The following AGMO variants were observed in gnomAD, a reference collection of about 807,000 sequenced individuals.
The protein encoded by AGMO is alkylglycerol monooxygenase, also known as glyceryl-ether monooxygenase.
AGMO carries 75 observed loss-of-function variants against 60.2 expected under a neutral mutation model. The observed-to-expected ratio is 1.25, with a 90% CI of 1.03 to 1.51. The LOEUF (loss-of-function observed/expected upper bound fraction) is 1.51, where lower values mean the gene tolerates loss of function less well. Among genes scored for constraint, AGMO ranks in the 40% most tolerant of loss-of-function variants. The pLI is 0.00. For synonymous variants in AGMO, 261 were observed against 177.1 expected (o/e 1.47, Z -3.76); for missense variants, 763 against 525.5 (o/e 1.45, Z -4.42).
At chr7:15,334,754 C>G (rs1781600615) in intron 12 of AGMO, among the ~76,000 whole-genome samples, 1 of 152,146 alleles carries the variant, frequency 6.6e-6, no homozygotes, top group Admixed American at 6.5e-5. Context: ...ACTTACAACC[C>G]TCCAACAACT....
At position 15,365,605 on chromosome 7, in the gene AGMO, A is replaced by T. The variant is rs1030213167; in HGVS notation, c.1172T>A (p.Ile391Asn). ...CATCAAGCAACGGAGAGTTTCCATAATAGCTGCCTTGGGTCTGAAATAAAA... is the reference window on the plus strand; with the variant it reads ...CATCAAGCAACGGAGAGTTTCCATATTAGCTGCCTTGGGTCTGAAATAAAA... ...FLLDQRPKAA[I>N]METLRCLMFL... Residue 391 changes from isoleucine (I) to asparagine (N), a missense_variant, in exon 12 of 13, where the codon ATT becomes AAT. Ile to Asn is a moderately radical substitution (Grantham distance 149). Transcript: ENST00000342526. 7 of 1,612,232 alleles carry T rather than the reference A, an allele frequency of 4.3e-6. No homozygotes were observed. In the African/African-American group the frequency reaches 9.4e-5, roughly 22 times the overall value.
chr7:15,424,484 A>C (rs573619566), intron 4 of AGMO, among the ~76,000 whole-genome samples: 1 of 152,330 alleles, frequency 6.6e-6, no homozygotes, highest in East Asian at 1.9e-4. Context: ...TTAGAACTAT[A>C]AATGACTATC....
At chr7:15,145,042 A>G in the AGMO span, among the ~76,000 whole-genome samples, 1 of 152,032 alleles carries the variant, frequency 6.6e-6, no homozygotes, top group Non-Finnish European at 1.5e-5. Context: ...GTTAGCCAGG[A>G]TGGGCTCGAT....
chr7:15,243,923 G>T (rs1327635933), intron 12 of AGMO, among the ~76,000 whole-genome samples: 1 of 151,990 alleles, frequency 6.6e-6, no homozygotes, highest in East Asian at 1.9e-4. Flanking sequence ...ATGAGATGTT[G>T]ATTGTTTTAA....
chr7:15,377,858 T>C (rs1783516704), intron 10 of AGMO, among the ~76,000 whole-genome samples: 1 of 151,940 alleles, frequency 6.6e-6, no homozygotes. Context: ...TCTAAGCATT[T>C]TGGTGGTTTG....
chr7:15,249,078 G>T (rs572655152), intron 12 of AGMO, among the ~76,000 whole-genome samples: 2 of 152,276 alleles, frequency 1.3e-5, no homozygotes, highest in Admixed American at 1.3e-4. Context: ...AGGAAAATAG[G>T]ATGAGCATTA....
At chr7:15,395,276 C>A (rs546678810) in intron 5 of AGMO, among the ~76,000 whole-genome samples, 1 of 151,808 alleles carries the variant, frequency 6.6e-6, no homozygotes, top group Non-Finnish European at 1.5e-5. Context: ...TAGTCACTGA[C>A]AATTATGACA....
At chr7:15,424,662 C>A (rs1012057524) in intron 4 of AGMO, among the ~76,000 whole-genome samples, 7 of 152,160 alleles carry the variant, frequency 4.6e-5, no homozygotes, top group African/African-American at 1.7e-4. Flanking sequence ...TATCCAAGAG[C>A]CTCATTTCTT....
intron 12 of AGMO, among the ~76,000 whole-genome samples, chr7:15,309,241 G>A (rs1359268215): frequency 6.6e-6 from 1 of 152,138 alleles, no homozygotes; most frequent in Admixed American, 6.6e-5. Context: ...TATCCTTACT[G>A]AGCAGTTTTA....
At chr7:15,179,814 T>C in the AGMO span, among the ~76,000 whole-genome samples, 1 of 152,174 alleles carries the variant, frequency 6.6e-6, no homozygotes, top group South Asian at 2.1e-4. Context: ...TTCCATTCTG[T>C]AAGCTTGCAG....
At chr7:15,394,518 A>T (rs1383729101) in intron 5 of AGMO, among the ~76,000 whole-genome samples, 1 of 152,220 alleles carries the variant, frequency 6.6e-6, no homozygotes, top group Non-Finnish European at 1.5e-5. Context: ...AAATGGAAAT[A>T]GTAACATATC....
At chr7:15,451,530 A>G (rs1365497058) in intron 3 of AGMO, among the ~76,000 whole-genome samples, 2 of 152,164 alleles carry the variant, frequency 1.3e-5, no homozygotes, top group African/African-American at 4.8e-5. Context: ...TGCTCACTGT[A>G]TTCTTACATG....
the AGMO span, among the ~76,000 whole-genome samples, chr7:15,175,829 A>C: frequency 2.0e-5 from 3 of 152,110 alleles, no homozygotes; most frequent in South Asian, 6.2e-4. Flanking sequence ...TTCAAGGCTG[A>C]AGAAAATTGA....
At chr7:15,549,179 A>G (rs1326588052) in intron 2 of AGMO, among the ~76,000 whole-genome samples, 1 of 145,914 alleles carries the variant, frequency 6.9e-6, no homozygotes, top group East Asian at 2.0e-4. Flanking sequence ...CTAAACATGG[A>G]AAGGAACAAC....
chr7:15,494,357 A>G (rs1783164391), intron 3 of AGMO, among the ~76,000 whole-genome samples: 1 of 152,218 alleles, frequency 6.6e-6, no homozygotes, highest in African/African-American at 2.4e-5. Flanking sequence ...ATGCTTGATT[A>G]TATTCATGCT....
At chr7:15,358,735 TG>T (rs1194834036) in intron 12 of AGMO, among the ~76,000 whole-genome samples, 1 of 152,172 alleles carries the variant, frequency 6.6e-6, no homozygotes, top group Non-Finnish European at 1.5e-5. Context: ...CATGTCTTTG[TG>T]GTAAATCTCT....
chr7:15,449,401 C>T (rs553951797), intron 3 of AGMO, among the ~76,000 whole-genome samples: 7 of 151,948 alleles, frequency 4.6e-5, no homozygotes, highest in Non-Finnish European at 8.8e-5. Context: ...CCACATAATG[C>T]GTCTCTGGTA....
At chr7:15,191,430 T>G in the AGMO span, among the ~76,000 whole-genome samples, 1 of 152,184 alleles carries the variant, frequency 6.6e-6, no homozygotes, top group African/African-American at 2.4e-5. Flanking sequence ...CAGTCTAAGA[T>G]GGGCCTTGGG....
intron 12 of AGMO, among the ~76,000 whole-genome samples, chr7:15,319,789 AATTATT>A (rs926644824): frequency 4.6e-4 from 70 of 152,250 alleles, no homozygotes; most frequent in Middle Eastern, 6.8e-3. Flanking sequence ...TATTTGACAT[AATTATT>A]ATTATATGTC....
Sources: gnomAD v4.1 joint callset for allele counts (sites outside exome capture counted in the v4.1 genomes callset) on GRCh38, gnomAD v4.1.1 for gene constraint, MANE v1.5 for transcripts, NCBI Gene and HGNC (gene_info 2026-07-23, HGNC 2026-07-21) for gene names.